The following MGAT4C variants were observed in gnomAD, a reference collection of about 807,000 sequenced individuals.
The protein encoded by MGAT4C is alpha-1,3-mannosyl-glycoprotein 4-beta-N-acetylglucosaminyltransferase C.
Under a neutral mutation model 40.1 loss-of-function variants are expected in MGAT4C, and 19 were observed. The observed-to-expected ratio is 0.47, with a 90% confidence interval of 0.33 to 0.70. MGAT4C has a LOEUF of 0.70. Ranked by LOEUF, MGAT4C falls within the 30% of genes least tolerant of loss-of-function variation. The pLI is 0.02. For missense variants in MGAT4C, 491 were observed against 563.2 expected (o/e 0.87, Z 1.30); for synonymous variants, 181 against 187.1 (o/e 0.97, Z 0.27).
intron 3 of MGAT4C, among the ~76,000 whole-genome samples, chr12:86,381,162 T>G (rs1592766680): frequency 6.6e-6 from 1 of 152,286 alleles, no homozygotes; most frequent in African/African-American, 2.4e-5. Flanking sequence ...TACCCAGCTT[T>G]ATAATGGTGT....
intron 2 of MGAT4C, among the ~76,000 whole-genome samples, chr12:86,628,092 G>T (rs1181604211): frequency 2.0e-5 from 3 of 152,168 alleles, no homozygotes. Flanking sequence ...AGAACTATGT[G>T]ACACATGCAC....
chr12:86,357,503 C>A (rs1261496391), intron 3 of MGAT4C, among the ~76,000 whole-genome samples: 1 of 152,164 alleles, frequency 6.6e-6, no homozygotes, highest in Non-Finnish European at 1.5e-5. Flanking sequence ...AAGAAGGCTT[C>A]AGACCATCAG....
At chr12:86,195,844 T>C (rs1432017707) in intron 1 of MGAT4C, among the ~76,000 whole-genome samples, 1 of 152,158 alleles carries the variant, frequency 6.6e-6, no homozygotes, top group Non-Finnish European at 1.5e-5. Context: ...TATATCTGAA[T>C]CTGCATTCAT....
chr12:86,693,224 C>T (rs2136601304), intron 2 of MGAT4C, among the ~76,000 whole-genome samples: 1 of 152,326 alleles, frequency 6.6e-6, no homozygotes, highest in Middle Eastern at 3.4e-3. Context: ...GTATCTACTT[C>T]ACTCCATTTT....
intron 1 of MGAT4C, among the ~76,000 whole-genome samples, chr12:86,081,273 C>G (rs976051084): frequency 6.6e-6 from 1 of 152,250 alleles, no homozygotes; most frequent in South Asian, 2.1e-4. Context: ...AATGAATTGA[C>G]TTTTATTGTC....
At chr12:86,569,657 G>C (rs1013727503) in intron 2 of MGAT4C, among the ~76,000 whole-genome samples, 1 of 151,980 alleles carries the variant, frequency 6.6e-6, no homozygotes, top group Non-Finnish European at 1.5e-5. Context: ...AAAAATAGAA[G>C]TACCAAAAAT....
intron 2 of MGAT4C, among the ~76,000 whole-genome samples, chr12:86,654,884 A>C (rs923325891): frequency 1.3e-5 from 2 of 152,012 alleles, no homozygotes; most frequent in Non-Finnish European, 2.9e-5. Context: ...AATTACTAGA[A>C]CTTTTTGTGG....
intron 2 of MGAT4C, chr12:86,028,114 C>T (rs1890400502): frequency 2.3e-6 from 3 of 1,287,572 alleles, no homozygotes; most frequent in Non-Finnish European, 3.0e-6. Flanking sequence ...CTTGCATCTT[C>T]TGGATCCCTT....
chr12:86,782,705 C>T (rs749800797), intron 1 of MGAT4C, among the ~76,000 whole-genome samples: 1 of 151,892 alleles, frequency 6.6e-6, no homozygotes, highest in Non-Finnish European at 1.5e-5. Context: ...TTAATGAGAT[C>T]ATAAGAATGG....
chr12:86,650,308 A>T (rs1245046141), intron 2 of MGAT4C, among the ~76,000 whole-genome samples: 1 of 151,910 alleles, frequency 6.6e-6, no homozygotes, highest in African/African-American at 2.4e-5. Flanking sequence ...GTGCCTTCAA[A>T]CATAGTTGTG....
intron 3 of MGAT4C, 135 bp from the exon 4 acceptor site, chr12:85,983,805 C>T (rs1047758942): frequency 2.5e-5 from 16 of 649,134 alleles, no homozygotes; most frequent in South Asian, 1.2e-4. Context: ...CAACTACTGA[C>T]GTCATAAGCT....
At chr12:86,524,196 T>A (rs1332164860) in intron 2 of MGAT4C, among the ~76,000 whole-genome samples, 1 of 152,196 alleles carries the variant, frequency 6.6e-6, no homozygotes, top group East Asian at 1.9e-4. Context: ...CACGTCTATG[T>A]ACTTCAGCCT....
intron 1 of MGAT4C, among the ~76,000 whole-genome samples, chr12:86,821,943 T>G (rs1952713365): frequency 6.6e-6 from 1 of 150,918 alleles, no homozygotes; most frequent in African/African-American, 2.4e-5. Context: ...AGGTAAATTA[T>G]TTTAATTGTA....
intron 1 of MGAT4C, among the ~76,000 whole-genome samples, chr12:86,765,774 T>C (rs1450454208): frequency 3.3e-5 from 5 of 152,050 alleles, no homozygotes; most frequent in African/African-American, 7.2e-5. Flanking sequence ...CTAAGCTTCA[T>C]AAGTGAAGGA....
intron 3 of MGAT4C, among the ~76,000 whole-genome samples, chr12:86,371,883 T>C (rs139033140): frequency 0.015 from 2,229 of 152,036 alleles, 33 homozygotes; most frequent in Non-Finnish European, 0.022. Flanking sequence ...TTAGGTAATA[T>C]AATAAGTCAT....
intron 2 of MGAT4C, among the ~76,000 whole-genome samples, chr12:86,597,512 T>A (rs548095104): frequency 1.3e-5 from 2 of 152,230 alleles, no homozygotes; most frequent in African/African-American, 4.8e-5. Context: ...CTCAGAATCA[T>A]GTAGACTCTG....
rs868480630 is a variant in MGAT4C at position 86,508,886 on chromosome 12, G to A, written c.-228-73621C>T. Among the ~76,000 whole-genome samples, 497 of 149,728 alleles carry A rather than the reference G, an allele frequency of 3.3e-3. 5 individuals are homozygous for A. Among genetic ancestry groups the A allele is most frequent in the African/African-American group, 0.011 (461 of 40,360 alleles). ...TGAGAAGTGTCTGTTCATGTCCTTC[G>A]CCCACTTTTTGATGGGGTTGTTTGT... is the stretch of plus-strand genomic sequence containing the variant. On this transcript the variant is annotated intron_variant, in intron 2 of 7. Coordinates refer to the MGAT4C transcript ENST00000548651.
At chr12:86,261,284 T>C (rs1394591824), upstream of MGAT4C, among the ~76,000 whole-genome samples, 5 of 152,178 alleles carry the variant, frequency 3.3e-5, no homozygotes, top group Non-Finnish European at 7.4e-5. Flanking sequence ...TAGACAAAAA[T>C]TGAAGACCTT....
At chr12:86,158,769 A>G (rs1471992687) in intron 1 of MGAT4C, among the ~76,000 whole-genome samples, 7 of 152,180 alleles carry the variant, frequency 4.6e-5, no homozygotes, top group Admixed American at 4.6e-4. Flanking sequence ...GGTTAGCTAT[A>G]TTCCTAGATA....
Sources: allele counts gnomAD v4.1 joint callset (sites outside exome capture counted in the v4.1 genomes callset), GRCh38; gene constraint gnomAD v4.1.1; transcripts MANE v1.5; gene names NCBI Gene and HGNC (gene_info 2026-07-23, HGNC 2026-07-21).